The following HS2ST1 variants were observed in gnomAD, a reference collection of about 807,000 sequenced individuals.
The protein encoded by HS2ST1 is 2-O-sulfotransferase.
A neutral mutation model predicts 42.9 loss-of-function variants in HS2ST1; 18 were observed. The observed-to-expected ratio is 0.42, with a 90% CI of 0.29 to 0.62. The LOEUF (loss-of-function observed/expected upper bound fraction) is 0.62, where lower values mean the gene tolerates loss of function less well. HS2ST1 is among the 20% of genes least tolerant of loss of function. The pLI is 0.21. For synonymous variants in HS2ST1, 146 were observed against 152.9 expected (o/e 0.95, Z 0.33); for missense variants, 334 against 433.8 (o/e 0.77, Z 2.04).
intron 3 of HS2ST1, among the ~76,000 whole-genome samples, chr1:87,087,835 C>T (rs117686070): frequency 7.9e-5 from 12 of 152,148 alleles, no homozygotes; most frequent in East Asian, 7.7e-4. Flanking sequence ...AGCATTGATC[C>T]TGTAGACTGC....
Position 87,047,118 on chromosome 1 carries a change from A to C in HS2ST1, c.125-25816A>C, listed in dbSNP as rs114664906. 2.7e-3 allele frequency among the ~76,000 whole-genome samples: 407 copies of C among 152,248 alleles called. 1 individual carries two copies. Among genetic ancestry groups the C allele is most frequent in the African/African-American group, 9.3e-3 (388 of 41,560 alleles). On this transcript the variant is annotated intron_variant, in intron 1 of 6. Transcript: ENST00000370550. The stretch of plus-strand genomic sequence containing the variant: ...TTCCAGTTACTCCACATTCTTGACA[A>C]GTCTCGGTATGACCGGTCTTCAGTT...
chr1:87,040,789 A>AG (rs1491354742), intron 1 of HS2ST1, among the ~76,000 whole-genome samples: 44 of 152,192 alleles, frequency 2.9e-4, no homozygotes, highest in African/African-American at 1.0e-3. Flanking sequence ...TCTGTGTCTC[A>AG]GGGGGAAAAA....
At chr1:86,957,164 CTA>C (rs1219225169) in intron 1 of HS2ST1, among the ~76,000 whole-genome samples, 1 of 152,108 alleles carries the variant, frequency 6.6e-6, no homozygotes, top group Non-Finnish European at 1.5e-5. Flanking sequence ...CATTTATAGT[CTA>C]AGTTTCTTGA....
chr1:87,063,729 T>C (rs1229204351), intron 1 of HS2ST1, among the ~76,000 whole-genome samples: 1 of 152,222 alleles, frequency 6.6e-6, no homozygotes, highest in Non-Finnish European at 1.5e-5. Context: ...TCATAATTGC[T>C]CATTAAAGAA....
intron 3 of HS2ST1, among the ~76,000 whole-genome samples, chr1:87,088,277 T>C (rs1344566845): frequency 6.6e-6 from 1 of 152,106 alleles, no homozygotes; most frequent in African/African-American, 2.4e-5. Context: ...CAAGAAACTT[T>C]CAAGTAATCT....
intron 1 of HS2ST1, among the ~76,000 whole-genome samples, chr1:86,920,689 A>G (rs1291022223): frequency 6.6e-6 from 1 of 152,202 alleles, no homozygotes; most frequent in East Asian, 1.9e-4. Context: ...ACCATTTTTG[A>G]AGGATGTACT....
chr1:86,928,441 C>A (rs781610926), intron 1 of HS2ST1, among the ~76,000 whole-genome samples: 1 of 151,904 alleles, frequency 6.6e-6, no homozygotes, highest in East Asian at 1.9e-4. Flanking sequence ...TAGATTTGAT[C>A]TGTATTTAAG....
chr1:86,982,742 C>T (rs1410434484), intron 1 of HS2ST1, among the ~76,000 whole-genome samples: 7 of 152,132 alleles, frequency 4.6e-5, no homozygotes, highest in Non-Finnish European at 1.0e-4. Flanking sequence ...TCTCAATCTC[C>T]TGACCTCGTG....
At chr1:87,049,554 T>C (rs911672368) in intron 1 of HS2ST1, among the ~76,000 whole-genome samples, 1 of 152,076 alleles carries the variant, frequency 6.6e-6, no homozygotes, top group African/African-American at 2.4e-5. Context: ...TGTTATTTAG[T>C]CCAAGTATTT....
intron 1 of HS2ST1, among the ~76,000 whole-genome samples, chr1:86,936,776 C>T (rs908571190): frequency 3.3e-5 from 5 of 151,912 alleles, no homozygotes; most frequent in Admixed American, 6.6e-5. Flanking sequence ...CTACAGCATA[C>T]GTTTATTCCA....
chr1:87,035,398 A>T (rs1313770207), intron 1 of HS2ST1, among the ~76,000 whole-genome samples: 1 of 152,182 alleles, frequency 6.6e-6, no homozygotes, highest in Non-Finnish European at 1.5e-5. Context: ...CTTTTCATGT[A>T]CTCAGGGAGA....
chr1:87,006,618 TTGAATCATTTCTTTA>T (rs960957662), intron 1 of HS2ST1, among the ~76,000 whole-genome samples: 8 of 152,162 alleles, frequency 5.3e-5, no homozygotes, highest in Non-Finnish European at 8.8e-5. Flanking sequence ...ATGAAATAAA[TTGAATCATTTCTTTA>T]TATTGATCCA....
chr1:87,101,908 G>A lies in HS2ST1; in HGVS notation c.687-1524G>A, dbSNP rs1414643056. On this transcript the variant is annotated intron_variant, in intron 5 of 6. Coordinates refer to ENST00000370550, the MANE Select transcript of HS2ST1 (RefSeq NM_012262.4). ...TACTTGGCTCATGGTTCTGCAGGCT[G>A]TGCAAGCATGGCACCAACATCTGTT... is the stretch of plus-strand genomic sequence containing the variant. 2.0e-5 allele frequency among the ~76,000 whole-genome samples: 3 copies of A among 152,186 alleles called. No homozygotes were observed. The South Asian group carries it at 6.2e-4, about 32-fold the overall frequency.
intron 3 of HS2ST1, among the ~76,000 whole-genome samples, chr1:87,090,287 A>G (rs543261515): frequency 6.6e-6 from 1 of 152,156 alleles, no homozygotes; most frequent in East Asian, 1.9e-4. Flanking sequence ...CATGAACAAG[A>G]GAGAAATGGT....
At chr1:87,045,048 T>C in intron 1 of HS2ST1, 1 of 1,208,482 alleles carries the variant, frequency 8.3e-7, no homozygotes, top group Non-Finnish European at 1.2e-6. Flanking sequence ...TTCACTGACG[T>C]CAGCATTCTT....
At chr1:87,058,731 A>T (rs1651040893) in intron 1 of HS2ST1, among the ~76,000 whole-genome samples, 3 of 151,560 alleles carry the variant, frequency 2.0e-5, no homozygotes, top group Admixed American at 2.0e-4. Flanking sequence ...ACCATATAGG[A>T]TTATTGCAAG....
chr1:87,088,575 A>T (rs1315410841), intron 3 of HS2ST1, among the ~76,000 whole-genome samples: 3 of 152,058 alleles, frequency 2.0e-5, no homozygotes, highest in Admixed American at 6.6e-5. Flanking sequence ...TTGGATAAAA[A>T]CCTCAAAGTG....
At chr1:86,968,109 G>T (rs1004414276) in intron 1 of HS2ST1, among the ~76,000 whole-genome samples, 1 of 152,042 alleles carries the variant, frequency 6.6e-6, no homozygotes, top group Non-Finnish European at 1.5e-5. Flanking sequence ...CAAAAATGTC[G>T]TTTGCCCACT....
At chr1:87,080,641 T>C (rs944484651) in intron 2 of HS2ST1, among the ~76,000 whole-genome samples, 5 of 152,166 alleles carry the variant, frequency 3.3e-5, no homozygotes, top group African/African-American at 9.7e-5. Flanking sequence ...TACCTAGTTT[T>C]AACATATTAA....
Sources: gnomAD v4.1 joint callset for allele counts (sites outside exome capture counted in the v4.1 genomes callset) on GRCh38, gnomAD v4.1.1 for gene constraint, MANE v1.5 for transcripts, NCBI Gene and HGNC (gene_info 2026-07-23, HGNC 2026-07-21) for gene names.